Variants in GPC3 observed in about 807,000 individuals in gnomAD.
GPC3 encodes glypican 3, also known as glypican-3.
Under a neutral mutation model 34.4 loss-of-function variants are expected in GPC3, and 3 were observed. The observed-to-expected ratio is 0.09, with a 90% CI of 0.04 to 0.23. The LOEUF is 0.23. GPC3 is among the 10% of genes least tolerant of loss of function. GPC3 has a pLI of 1.00. For synonymous variants in GPC3, 177 were observed against 174.0 expected (o/e 1.02, Z -0.13); for missense variants, 351 against 445.6 (o/e 0.79, Z 1.91).
chrX:133,833,961 T>C (rs1373425747), intron 2 of GPC3, among the ~76,000 whole-genome samples: 1 of 111,517 alleles, frequency 9.0e-6, no homozygotes, highest in Non-Finnish European at 1.9e-5. Flanking sequence ...GATAGGTGGA[T>C]AGAAAAAAAT....
intron 2 of GPC3, among the ~76,000 whole-genome samples, chrX:133,913,960 A>G (rs1464873806): frequency 2.7e-5 from 3 of 109,882 alleles, no homozygotes; most frequent in African/African-American, 9.9e-5. Flanking sequence ...ACTCCAAACC[A>G]ATCACCTCCT....
intron 3 of GPC3, among the ~76,000 whole-genome samples, chrX:133,738,557 A>T (rs976686017): frequency 8.9e-6 from 1 of 111,816 alleles, no homozygotes; most frequent in African/African-American, 3.3e-5. Flanking sequence ...ACCCAACCTA[A>T]ATTTAATCAT....
At chrX:133,623,066 A>G in intron 6 of GPC3, among the ~76,000 whole-genome samples, 1 of 112,119 alleles carries the variant, frequency 8.9e-6, no homozygotes, top group Non-Finnish European at 1.9e-5. Flanking sequence ...ACTAAGCTTC[A>G]TCAGTGAATG....
At chrX:133,611,859 T>C (rs749252251) in intron 6 of GPC3, among the ~76,000 whole-genome samples, 165 of 111,936 alleles carry the variant, frequency 1.5e-3, no homozygotes, top group Non-Finnish European at 2.5e-3. Context: ...CAGGAACATA[T>C]ACAGTGCAAT....
At chrX:133,693,188 TGTGTGTGTGTGTGA>T (rs2071082112) in intron 4 of GPC3, among the ~76,000 whole-genome samples, 1 of 106,514 alleles carries the variant, frequency 9.4e-6, no homozygotes, top group Admixed American at 1.0e-4. Flanking sequence ...TGTGTGTGTG[TGTGTGTGTGTGTGA>T]GACAGAGAGA....
chrX:133,607,337 CA>C (rs1435681615), intron 6 of GPC3, among the ~76,000 whole-genome samples: 2 of 111,621 alleles, frequency 1.8e-5, no homozygotes, highest in African/African-American at 6.5e-5. Flanking sequence ...ATGCCTGACA[CA>C]TAGTGGGTGC....
chrX:133,585,381 T>G (rs1291099581), intron 7 of GPC3, among the ~76,000 whole-genome samples: 2 of 111,013 alleles, frequency 1.8e-5, no homozygotes, highest in Non-Finnish European at 3.8e-5. Flanking sequence ...ATTCCCGATC[T>G]CTACCTGCAG....
chrX:133,963,143 G>A (rs2076448901), intron 1 of GPC3, among the ~76,000 whole-genome samples: 1 of 112,368 alleles, frequency 8.9e-6, no homozygotes, highest in African/African-American at 3.2e-5. Flanking sequence ...ATACGGATAT[G>A]GGGCTAAGGC....
chrX:133,964,602 G>GTTT (rs1233171581), intron 1 of GPC3, among the ~76,000 whole-genome samples: 1 of 111,493 alleles, frequency 9.0e-6, no homozygotes, highest in African/African-American at 3.3e-5. Flanking sequence ...CAGGTAAAGG[G>GTTT]GGAAAGAGTG....
intron 2 of GPC3, among the ~76,000 whole-genome samples, chrX:133,806,928 G>A (rs1055387833): frequency 2.6e-4 from 29 of 111,720 alleles, no homozygotes; most frequent in Non-Finnish European, 1.9e-4. Context: ...GATTACAGGC[G>A]TGAGCCACCG....
intron 2 of GPC3, among the ~76,000 whole-genome samples, chrX:133,803,204 C>T (rs147295283): frequency 0.013 from 1,507 of 112,127 alleles, 28 homozygotes; most frequent in African/African-American, 0.046. Context: ...GGATTACAGG[C>T]GTGAGCCAGT....
At chrX:133,727,834 A>T (rs1040987505) in intron 3 of GPC3, among the ~76,000 whole-genome samples, 3 of 112,554 alleles carry the variant, frequency 2.7e-5, no homozygotes, top group Non-Finnish European at 5.6e-5. Context: ...CACATCATAA[A>T]GGAAATTATA....
chrX:133,558,981 C>T (rs1472943286), intron 7 of GPC3, among the ~76,000 whole-genome samples: 4 of 110,672 alleles, frequency 3.6e-5, no homozygotes, highest in South Asian at 3.8e-4. Flanking sequence ...TTAAAGTGGA[C>T]GAGTGGTGGG....
chrX:133,955,580 G>A (rs2076413035), intron 1 of GPC3, among the ~76,000 whole-genome samples: 1 of 111,698 alleles, frequency 9.0e-6, no homozygotes, highest in Admixed American at 9.5e-5. Context: ...GCTACATGCT[G>A]GAGGTACGAC....
At chrX:133,817,022 C>T (rs966751303) in intron 2 of GPC3, among the ~76,000 whole-genome samples, 4 of 111,823 alleles carry the variant, frequency 3.6e-5, no homozygotes, top group Non-Finnish European at 7.5e-5. Flanking sequence ...CATTGTACCC[C>T]GAAAGTTGAC....
At chrX:133,836,107 G>A (rs1292411401) in intron 2 of GPC3, among the ~76,000 whole-genome samples, 1 of 113,535 alleles carries the variant, frequency 8.8e-6, no homozygotes, top group Non-Finnish European at 1.9e-5. Context: ...AGGCTGGCCT[G>A]CAGAGCTCTA....
chrX:133,558,621 G>A (rs913775262), intron 7 of GPC3, among the ~76,000 whole-genome samples: 1 of 110,925 alleles, frequency 9.0e-6, no homozygotes, highest in Non-Finnish European at 1.9e-5. Context: ...GGCCAGGTGC[G>A]GTGGCTCACG....
chrX:133,777,006 A>C (rs1483638292), intron 2 of GPC3, among the ~76,000 whole-genome samples: 1 of 105,217 alleles, frequency 9.5e-6, no homozygotes, highest in East Asian at 3.0e-4. Flanking sequence ...CAGCCTCCCA[A>C]GTAGCTGGGA....
chrX:133,822,522 C>T (rs1603254159), intron 2 of GPC3, among the ~76,000 whole-genome samples: 1 of 111,451 alleles, frequency 9.0e-6, no homozygotes, highest in Non-Finnish European at 1.9e-5. Context: ...TATTATTAGG[C>T]TATTGTTGAT....
Sources: gnomAD v4.1 joint callset for allele counts (sites outside exome capture counted in the v4.1 genomes callset) on GRCh38, gnomAD v4.1.1 for gene constraint, MANE v1.5 for transcripts, NCBI Gene and HGNC (gene_info 2026-07-23, HGNC 2026-07-21) for gene names.